Variants in CALD1 observed in about 807,000 individuals in gnomAD.
The protein encoded by CALD1 is caldesmon 1.
CALD1 carries 33 observed loss-of-function variants against 99.9 expected under a neutral mutation model. The observed-to-expected ratio is 0.33, with a 90% confidence interval of 0.25 to 0.44. The LOEUF (loss-of-function observed/expected upper bound fraction) is 0.44, where lower values mean the gene tolerates loss of function less well. Ranked by LOEUF, CALD1 falls within the 20% of genes least tolerant of loss-of-function variation. CALD1 has a pLI of 1.00. For missense variants in CALD1, 861 were observed against 962.1 expected (o/e 0.89, Z 1.39); for synonymous variants, 310 against 325.0 (o/e 0.95, Z 0.50).
At chr7:134,955,270 G>C (rs183202550) in intron 9 of CALD1, among the ~76,000 whole-genome samples, 1 of 152,112 alleles carries the variant, frequency 6.6e-6, no homozygotes, top group African/African-American at 2.4e-5. Context: ...CGCATCTGTA[G>C]TCCCAGCTAC....
At chr7:134,873,244 C>T (rs1243037290) in intron 3 of CALD1, among the ~76,000 whole-genome samples, 1 of 151,928 alleles carries the variant, frequency 6.6e-6, no homozygotes, top group Non-Finnish European at 1.5e-5. Flanking sequence ...CTATATTCTG[C>T]TTCCCTTTCT....
chr7:134,715,432 T>C, the CALD1 span, among the ~76,000 whole-genome samples: 1 of 152,218 alleles, frequency 6.6e-6, no homozygotes, highest in South Asian at 2.1e-4. Context: ...GTATACACCC[T>C]CTATTAACAT....
chr7:134,797,621 T>G (rs559770594), intron 1 of CALD1, among the ~76,000 whole-genome samples: 1 of 152,058 alleles, frequency 6.6e-6, no homozygotes, highest in East Asian at 1.9e-4. Context: ...TGAGACGGAG[T>G]CTTGCTCTGT....
intron 2 of CALD1, among the ~76,000 whole-genome samples, chr7:134,845,381 G>A (rs1291275578): frequency 2.6e-5 from 4 of 152,186 alleles, no homozygotes; most frequent in African/African-American, 9.7e-5. Flanking sequence ...TATTAAAGAT[G>A]CTTTCTCCTC....
the CALD1 span, among the ~76,000 whole-genome samples, chr7:134,728,921 G>A: frequency 4.8e-5 from 7 of 145,288 alleles, no homozygotes; most frequent in African/African-American, 1.0e-4. Flanking sequence ...GCACAATCTC[G>A]GCTCACTGCA....
At chr7:134,896,527 C>A (rs555976861) in intron 3 of CALD1, among the ~76,000 whole-genome samples, 1 of 152,192 alleles carries the variant, frequency 6.6e-6, no homozygotes, top group Non-Finnish European at 1.5e-5. Flanking sequence ...CAGCACTGCA[C>A]GAGCAGTGGT....
At chr7:134,941,388 T>C in intron 7 of CALD1, 151 bp downstream of exon 7, 1 of 615,656 alleles carries the variant, frequency 1.6e-6, no homozygotes, top group Non-Finnish European at 2.8e-6. Context: ...GTCTTAGAGA[T>C]ACTCAGTCAG....
chr7:134,745,059 T>C (rs1253619865), intron 1 of CALD1, among the ~76,000 whole-genome samples: 1 of 152,232 alleles, frequency 6.6e-6, no homozygotes, highest in Non-Finnish European at 1.5e-5. Flanking sequence ...ACATGGATTT[T>C]AGCACTGTAC....
intron 2 of CALD1, among the ~76,000 whole-genome samples, chr7:134,852,710 T>A (rs1470156336): frequency 6.6e-6 from 1 of 152,216 alleles, no homozygotes; most frequent in East Asian, 1.9e-4. Flanking sequence ...AAATAGCCTC[T>A]TATTGCTGGG....
intron 1 of CALD1, among the ~76,000 whole-genome samples, chr7:134,769,683 T>C (rs868674942): frequency 1.3e-5 from 2 of 152,070 alleles, no homozygotes. Flanking sequence ...CAGACTAGAG[T>C]GCAGAGTGCA....
At chr7:134,947,866 T>C in intron 8 of CALD1, 97 bp downstream of exon 8, 1 of 1,412,716 alleles carries the variant, frequency 7.1e-7, no homozygotes, top group Non-Finnish European at 9.6e-7. Context: ...AAATATTTTT[T>C]TAAGAATAAT....
At chr7:134,770,244 G>A (rs1161226403) in intron 1 of CALD1, among the ~76,000 whole-genome samples, 3 of 152,162 alleles carry the variant, frequency 2.0e-5, no homozygotes, top group African/African-American at 4.8e-5. Flanking sequence ...GCCCAGCCCC[G>A]CTCCATGTGT....
chr7:134,737,531 T>C, the CALD1 span, among the ~76,000 whole-genome samples: 5 of 152,202 alleles, frequency 3.3e-5, no homozygotes, highest in African/African-American at 1.2e-4. Context: ...GTATTGTTTA[T>C]CTTGTGGATT....
At chr7:134,900,024 A>G (rs542799584) in intron 3 of CALD1, 2 of 152,210 alleles carry the variant, frequency 1.3e-5, no homozygotes, top group Non-Finnish European at 2.9e-5. Context: ...TCTACCTTTC[A>G]CTTTGTAAGT....
intron 1 of CALD1, among the ~76,000 whole-genome samples, chr7:134,764,240 C>A (rs1002869128): frequency 2.6e-5 from 4 of 152,242 alleles, no homozygotes; most frequent in African/African-American, 9.6e-5. Context: ...ACTCACCGTT[C>A]CCCAGGCACC....
intron 1 of CALD1, among the ~76,000 whole-genome samples, chr7:134,771,010 A>C (rs1027152894): frequency 6.6e-6 from 1 of 152,190 alleles, no homozygotes; most frequent in Non-Finnish European, 1.5e-5. Context: ...AAATAATACT[A>C]TATGACTTTT....
chr7:134,863,816 C>T (rs947196412), intron 2 of CALD1, among the ~76,000 whole-genome samples: 32 of 151,640 alleles, frequency 2.1e-4, no homozygotes, highest in Non-Finnish European at 4.0e-4. Flanking sequence ...CTTTCATTTC[C>T]GACACAGGGT....
chr7:134,835,921 G>A (rs958018103), intron 1 of CALD1, among the ~76,000 whole-genome samples: 4 of 151,976 alleles, frequency 2.6e-5, no homozygotes, highest in East Asian at 1.9e-4. Context: ...CGAGTCAGGC[G>A]GATCACCTGA....
intron 3 of CALD1, chr7:134,891,284 A>G (rs1241966940): frequency 1.3e-6 from 1 of 768,936 alleles, no homozygotes; most frequent in Non-Finnish European, 1.7e-6. Context: ...CAGCAATAAC[A>G]TTTCTGGAAC....
Sources: allele counts gnomAD v4.1 joint callset (sites outside exome capture counted in the v4.1 genomes callset), GRCh38; gene constraint gnomAD v4.1.1; transcripts MANE v1.5; gene names NCBI Gene and HGNC (gene_info 2026-07-23, HGNC 2026-07-21).